The following ERI1 variants were observed in gnomAD, a reference collection of about 807,000 sequenced individuals.
ERI1 encodes the protein 3'-5' exoribonuclease 1.
ERI1 carries 39 observed loss-of-function variants against 39.7 expected under a neutral mutation model. The observed-to-expected ratio is 0.98, with a 90% CI of 0.76 to 1.28. The LOEUF is 1.28. ERI1 is among the 50% of genes most tolerant of loss of function. ERI1 has a pLI of 0.00. For missense variants in ERI1, 581 were observed against 416.9 expected (o/e 1.39, Z -3.43); for synonymous variants, 204 against 149.6 (o/e 1.36, Z -2.65).
chr8:9,041,651 C>T (rs1282062793), intron 3 of ERI1, among the ~76,000 whole-genome samples: 2 of 152,184 alleles, frequency 1.3e-5, no homozygotes, highest in Non-Finnish European at 2.9e-5. Flanking sequence ...AATAGAAACA[C>T]AGTGTACCAA....
At chr8:9,090,692 A>G (rs1269830610) in intron 3 of ERI1, among the ~76,000 whole-genome samples, 2 of 152,228 alleles carry the variant, frequency 1.3e-5, no homozygotes, top group Non-Finnish European at 2.9e-5. Context: ...GTCCTCAGTT[A>G]TAGATTGTGC....
Position 9,003,125 on chromosome 8 carries a change from C to T in ERI1, c.62C>T (p.Ser21Leu). The change falls in exon 1 of 7, where the codon TCG becomes TTG. Residue 21 changes from serine (S) to leucine (L), a missense_variant. Ser to Leu is a moderately radical substitution (Grantham distance 145, BLOSUM62 -2). Transcript: ENST00000250263. Reference sequence around the variant, plus strand: ...GCCGTGGCTCTCGCGCTGCTGGAGTCGCCGCGGCCGGAGGGCGGGGAGGAG... The same window carrying T: ...GCCGTGGCTCTCGCGCTGCTGGAGTTGCCGCGGCCGGAGGGCGGGGAGGAG... ...GEAVALALLESPRPEGGEEPP... is the reference protein window; with the variant it reads ...GEAVALALLELPRPEGGEEPP... The T allele has an allele frequency of 8.0e-7, 1 of 1,245,706 alleles. No homozygotes were observed. Among genetic ancestry groups the T allele is most frequent in the Non-Finnish European group, 1.0e-6 (1 of 990,108 alleles). The allele number at this position is 1,245,706 out of a possible 1,614,324, so 77.2% of individuals were successfully genotyped here.
intron 3 of ERI1, among the ~76,000 whole-genome samples, chr8:9,065,239 A>C (rs1798837395): frequency 1.3e-5 from 2 of 152,218 alleles, no homozygotes; most frequent in African/African-American, 4.8e-5. Flanking sequence ...AAAAAAAGTT[A>C]CTGGAATGCT....
chr8:9,056,461 C>G (rs938700278), intron 3 of ERI1, among the ~76,000 whole-genome samples: 2 of 152,140 alleles, frequency 1.3e-5, no homozygotes, highest in Admixed American at 1.3e-4. Flanking sequence ...TTCTTATGGC[C>G]AGTCATGCAG....
intron 6 of ERI1, among the ~76,000 whole-genome samples, chr8:9,024,700 C>G (rs1044708163): frequency 6.6e-6 from 1 of 152,156 alleles, no homozygotes; most frequent in Non-Finnish European, 1.5e-5. Flanking sequence ...GCTAGGATTA[C>G]AGGCATGAGC....
chr8:9,033,928 A>G (rs1411782915), downstream of ERI1, among the ~76,000 whole-genome samples: 3 of 152,216 alleles, frequency 2.0e-5, no homozygotes, highest in Non-Finnish European at 4.4e-5. Flanking sequence ...AGGTAATTTG[A>G]TGTTCATTCT....
intron 3 of ERI1, among the ~76,000 whole-genome samples, chr8:9,077,145 T>A (rs890113626): frequency 1.3e-5 from 2 of 152,228 alleles, no homozygotes; most frequent in African/African-American, 4.8e-5. Flanking sequence ...TATTCAAAGC[T>A]TTCTGTGGTT....
intron 6 of ERI1, among the ~76,000 whole-genome samples, chr8:9,026,593 G>T (rs1326233629): frequency 6.6e-6 from 1 of 152,116 alleles, no homozygotes; most frequent in Non-Finnish European, 1.5e-5. Context: ...AGAATTCATT[G>T]TATGTATTTA....
intron 3 of ERI1, among the ~76,000 whole-genome samples, chr8:9,092,636 G>A (rs576055748): frequency 1.3e-5 from 2 of 152,310 alleles, no homozygotes; most frequent in East Asian, 1.9e-4. Flanking sequence ...AGCTGAGAGC[G>A]CTGAGAGCAG....
At chr8:9,013,443 C>T (rs1816888049) in intron 3 of ERI1, among the ~76,000 whole-genome samples, 1 of 152,082 alleles carries the variant, frequency 6.6e-6, no homozygotes, top group South Asian at 2.1e-4. Flanking sequence ...CTGGATTCCC[C>T]ACTTGCAGTT....
At chr8:9,006,659 T>A (rs1323013903) in intron 1 of ERI1, among the ~76,000 whole-genome samples, 1 of 152,224 alleles carries the variant, frequency 6.6e-6, no homozygotes, top group Non-Finnish European at 1.5e-5. Context: ...AAGTGAATCA[T>A]TGGTCAACTA....
At chr8:9,042,909 T>C (rs1798068539) in intron 3 of ERI1, among the ~76,000 whole-genome samples, 1 of 152,208 alleles carries the variant, frequency 6.6e-6, no homozygotes, top group African/African-American at 2.4e-5. Flanking sequence ...CTTCAGTCAG[T>C]TACCCTGCAT....
At chr8:9,026,914 T>C (rs758110858) in intron 6 of ERI1, among the ~76,000 whole-genome samples, 1 of 152,202 alleles carries the variant, frequency 6.6e-6, no homozygotes, top group Non-Finnish European at 1.5e-5. Flanking sequence ...TTCCATGTTT[T>C]GGCAATCATG....
intron 4 of ERI1, among the ~76,000 whole-genome samples, chr8:9,017,795 T>G (rs1337482513): frequency 6.6e-6 from 1 of 152,208 alleles, no homozygotes; most frequent in Non-Finnish European, 1.5e-5. Flanking sequence ...AAGGGTCTTG[T>G]GCATCTATTT....
chr8:9,098,052 T>A (rs143634346), intron 3 of ERI1, among the ~76,000 whole-genome samples: 26 of 152,194 alleles, frequency 1.7e-4, no homozygotes, highest in African/African-American at 6.3e-4. Flanking sequence ...TTCTCACTCC[T>A]AAGTGGGAGC....
At chr8:9,080,166 G>A (rs1799326641) in intron 3 of ERI1, among the ~76,000 whole-genome samples, 1 of 152,166 alleles carries the variant, frequency 6.6e-6, no homozygotes, top group East Asian at 1.9e-4. Flanking sequence ...GCGACTTGTG[G>A]TAATAGAAAG....
downstream of ERI1, among the ~76,000 whole-genome samples, chr8:9,037,157 G>A (rs1167937855): frequency 6.6e-6 from 1 of 152,106 alleles, no homozygotes; most frequent in African/African-American, 2.4e-5. Flanking sequence ...ATTTCTGATG[G>A]GATAAAACTC....
chr8:9,049,194 G>T (rs550079844), intron 3 of ERI1, among the ~76,000 whole-genome samples: 1 of 151,446 alleles, frequency 6.6e-6, no homozygotes, highest in Admixed American at 6.6e-5. Flanking sequence ...AAATTTGCCC[G>T]GCGTGGTGGC....
intron 3 of ERI1, among the ~76,000 whole-genome samples, chr8:9,015,031 T>G (rs905369301): frequency 2.6e-5 from 4 of 152,136 alleles, no homozygotes; most frequent in African/African-American, 4.8e-5. Context: ...AGAGACAGGT[T>G]TCACCACTTC....
Sources: allele counts gnomAD v4.1 joint callset (sites outside exome capture counted in the v4.1 genomes callset), GRCh38; gene constraint gnomAD v4.1.1; transcripts MANE v1.5; gene names NCBI Gene and HGNC (gene_info 2026-07-23, HGNC 2026-07-21).